Variants in VWA3B observed in about 807,000 individuals in gnomAD.
VWA3B encodes the protein von Willebrand factor A domain containing 3B.
Under a neutral mutation model 158.3 loss-of-function variants are expected in VWA3B, and 138 were observed. That is an observed-to-expected ratio of 0.87 (90% confidence interval 0.76 to 1.00). The LOEUF is 1.00. Ranked by LOEUF, VWA3B falls within the 50% of genes least tolerant of loss-of-function variation. VWA3B has a pLI of 0.00. For synonymous variants in VWA3B, 596 were observed against 587.3 expected (o/e 1.01, Z -0.21); for missense variants, 1,555 against 1,565.1 (o/e 0.99, Z 0.11).
intron 2 of VWA3B, among the ~76,000 whole-genome samples, chr2:98,097,543 T>C (rs1406088663): frequency 2.0e-5 from 3 of 152,240 alleles, no homozygotes; most frequent in Admixed American, 2.0e-4. Context: ...TTGTGAATTA[T>C]GCTGTGAGAA....
chr2:98,175,172 G>C (rs1014717087), intron 8 of VWA3B, among the ~76,000 whole-genome samples: 2 of 152,114 alleles, frequency 1.3e-5, no homozygotes, highest in African/African-American at 4.8e-5. Context: ...CAATCCATAG[G>C]AACTGTCCAT....
At chr2:98,330,499 T>G in the VWA3B span, among the ~76,000 whole-genome samples, 21 of 152,328 alleles carry the variant, frequency 1.4e-4, no homozygotes, top group African/African-American at 4.1e-4. Context: ...CAACTCTCAA[T>G]TCTTAAGGTC....
At chr2:98,218,161 C>A in intron 14 of VWA3B, 133 bp downstream of exon 14, 2 of 987,302 alleles carry the variant, frequency 2.0e-6, no homozygotes, top group Non-Finnish European at 2.9e-6. Context: ...AGTCGCTTAA[C>A]AATGAGTGTA....
rs767962721 is a variant in VWA3B, at chr2:98,093,046, T to G, written c.-32-15T>G. Reference sequence around the variant, plus strand: ...CAAGTTTTTAGGAAGTCTGAGTTTATGATTGCCCTTACAGGAGTTTGCTGT... The same window carrying G: ...CAAGTTTTTAGGAAGTCTGAGTTTAGGATTGCCCTTACAGGAGTTTGCTGT... On this transcript the variant is annotated splice_polypyrimidine_tract_variant and intron_variant, in intron 1 of 27. Coordinates refer to ENST00000477737, the MANE Select transcript of VWA3B (RefSeq NM_144992.5). 2 of 1,578,968 alleles carry G rather than the reference T, an allele frequency of 1.3e-6. No homozygotes were observed. The highest frequency in any genetic ancestry group is 4.5e-5 in the East Asian group (2 of 44,420).
chr2:98,301,908 A>G (rs1690219994), intron 25 of VWA3B, among the ~76,000 whole-genome samples: 1 of 152,168 alleles, frequency 6.6e-6, no homozygotes, highest in Non-Finnish European at 1.5e-5. Flanking sequence ...ATGTTTATTT[A>G]AGAAATCCTT....
the VWA3B span, among the ~76,000 whole-genome samples, chr2:98,323,298 T>C: frequency 1.3e-5 from 2 of 152,076 alleles, no homozygotes; most frequent in Admixed American, 1.3e-4. Context: ...TAAAGTACAC[T>C]AAATAGACTG....
At chr2:98,270,308 C>A (rs540192386) in intron 21 of VWA3B, among the ~76,000 whole-genome samples, 1 of 152,290 alleles carries the variant, frequency 6.6e-6, no homozygotes, top group African/African-American at 2.4e-5. Context: ...GCTAGGCATA[C>A]TTGTGTGAAA....
At chr2:98,193,386 T>C (rs1405919987) in intron 11 of VWA3B, among the ~76,000 whole-genome samples, 2 of 152,170 alleles carry the variant, frequency 1.3e-5, no homozygotes, top group African/African-American at 2.4e-5. Context: ...CCCTGGTGCA[T>C]GGGAGGCGTG....
intron 4 of VWA3B, 39 bp from the exon 5 acceptor site, chr2:98,121,260 G>C: frequency 1.3e-6 from 2 of 1,597,792 alleles, no homozygotes; most frequent in Non-Finnish European, 1.7e-6. Flanking sequence ...CAGTAGCACT[G>C]ATCACTGCCC....
chr2:98,242,384 G>T (rs1006986591), intron 19 of VWA3B: 9 of 450,716 alleles, frequency 2.0e-5, no homozygotes, highest in African/African-American at 1.2e-4. Flanking sequence ...CTTTCAAAAA[G>T]ATTAACTCTT....
At position 98,202,862 on chromosome 2, in the gene VWA3B, C is replaced by T. The variant is rs529725251; in HGVS notation, c.1737+8370C>T. Among the ~76,000 whole-genome samples, 58 of 152,138 alleles carry T rather than the reference C, an allele frequency of 3.8e-4. No homozygotes were observed. The South Asian group carries it at 6.4e-3, about 17-fold the overall frequency. On this transcript the variant is annotated intron_variant, in intron 12 of 27. Coordinates refer to ENST00000477737, the MANE Select transcript of VWA3B (RefSeq NM_144992.5). Reference sequence around the variant, plus strand: ...ATTTATTTATTTTGAGATGGAGTTTCGCTCTTGTCGCCCAGGCTGGACTGC... The same window carrying T: ...ATTTATTTATTTTGAGATGGAGTTTTGCTCTTGTCGCCCAGGCTGGACTGC...
chr2:98,207,671 A>G (rs1683135877), intron 12 of VWA3B: 3 of 431,302 alleles, frequency 7.0e-6, no homozygotes, highest in East Asian at 5.6e-5. Context: ...GCCTTCAGTG[A>G]TGGAACCCAT....
chr2:98,315,855 A>G (rs1188460595), downstream of VWA3B, among the ~76,000 whole-genome samples: 1 of 152,256 alleles, frequency 6.6e-6, no homozygotes, highest in Non-Finnish European at 1.5e-5. Flanking sequence ...AGTGAGACGA[A>G]GGATATAAAT....
chr2:98,179,090 T>G (rs907020371), intron 8 of VWA3B, among the ~76,000 whole-genome samples: 4 of 152,070 alleles, frequency 2.6e-5, no homozygotes, highest in African/African-American at 9.7e-5. Flanking sequence ...CCATAAATAC[T>G]CCCACCATGG....
intron 2 of VWA3B, among the ~76,000 whole-genome samples, chr2:98,107,362 A>G (rs1673750464): frequency 6.6e-6 from 1 of 151,960 alleles, no homozygotes; most frequent in Non-Finnish European, 1.5e-5. Context: ...ATGAGTTGGG[A>G]CGTATTCCTT....
rs559165806 is a variant in VWA3B at position 98,293,648 on chromosome 2, C to T, written c.3157+3026C>T. ...CTCTTTCATACATATATACACACACCTTATTTTTTATGAACTCTTAGAAAT... is the reference window on the plus strand; with the variant it reads ...CTCTTTCATACATATATACACACACTTTATTTTTTATGAACTCTTAGAAAT... On this transcript the variant is annotated intron_variant, in intron 23 of 27. Transcript: ENST00000477737. Among the ~76,000 whole-genome samples, 3 of 152,156 alleles carry T rather than the reference C, an allele frequency of 2.0e-5. No homozygotes were observed. The East Asian group carries it at 5.8e-4, about 29-fold the overall frequency.
chr2:98,113,286 C>T (rs10207101), intron 2 of VWA3B, among the ~76,000 whole-genome samples: 36,627 of 151,810 alleles, frequency 0.24, 4,873 homozygotes, highest in African/African-American at 0.36. Context: ...TATATGCAAA[C>T]GATTGTTTCC....
At chr2:98,097,554 A>G (rs1371328720) in intron 2 of VWA3B, among the ~76,000 whole-genome samples, 1 of 152,210 alleles carries the variant, frequency 6.6e-6, no homozygotes, top group Non-Finnish European at 1.5e-5. Flanking sequence ...GCTGTGAGAA[A>G]CATACATGTG....
the VWA3B span, among the ~76,000 whole-genome samples, chr2:98,322,028 C>T: frequency 7.1e-4 from 108 of 152,324 alleles, no homozygotes; most frequent in Middle Eastern, 3.4e-3. Flanking sequence ...GTTCCCTGCA[C>T]ATGCTCTCTT....
Sources: allele counts gnomAD v4.1 joint callset (sites outside exome capture counted in the v4.1 genomes callset), GRCh38; gene constraint gnomAD v4.1.1; transcripts MANE v1.5; gene names NCBI Gene and HGNC (gene_info 2026-07-23, HGNC 2026-07-21).